FAM20B: variants seen among roughly 807,000 people sequenced by gnomAD.
The protein encoded by FAM20B is glycosaminoglycan xylosylkinase.
Under a neutral mutation model 43.8 loss-of-function variants are expected in FAM20B, and 23 were observed. That is an observed-to-expected ratio of 0.53 (90% confidence interval 0.38 to 0.74). The LOEUF is 0.74. Ranked by LOEUF, FAM20B falls within the 30% of genes least tolerant of loss-of-function variation. The pLI is 0.00. For synonymous variants in FAM20B, 178 were observed against 192.4 expected, an observed-to-expected ratio of 0.93 and a Z score of 0.62; for missense variants, 440 against 510.5, an observed-to-expected ratio of 0.86 and a Z score of 1.33.
At chr1:179,040,775 G>T (rs1362331493) in intron 1 of FAM20B, among the ~76,000 whole-genome samples, 1 of 151,880 alleles carries the variant, frequency 6.6e-6, no homozygotes. Flanking sequence ...CCTCCCTCCC[G>T]GACGGGTTGG....
At chr1:179,024,894 A>G (rs556184951), upstream of FAM20B, among the ~76,000 whole-genome samples, 3 of 152,256 alleles carry the variant, frequency 2.0e-5, no homozygotes, top group Non-Finnish European at 4.4e-5. Context: ...CAGCAAAGTT[A>G]ACTGGCACAT....
upstream of FAM20B, among the ~76,000 whole-genome samples, chr1:179,023,620 GAATA>G (rs1432530375): frequency 2.6e-5 from 4 of 152,204 alleles, no homozygotes; most frequent in Admixed American, 1.3e-4. Context: ...GTGAATGAAT[GAATA>G]AACAAACAAA....
chr1:179,047,104 G>A (rs978548001), intron 2 of FAM20B, among the ~76,000 whole-genome samples: 1 of 152,230 alleles, frequency 6.6e-6, no homozygotes, highest in Non-Finnish European at 1.5e-5. Flanking sequence ...AGAGCGTGCA[G>A]TGTTAGACCA....
chr1:179,065,253 C>T lies in FAM20B; in HGVS notation c.938+757C>T, dbSNP rs201420123. Reference sequence around the variant, plus strand: ...GCAACTTCTGTCTCCTGGGTTCAAGCGATTCTCCACCCTCAGCCTCCTGAG... The same window carrying T: ...GCAACTTCTGTCTCCTGGGTTCAAGTGATTCTCCACCCTCAGCCTCCTGAG... On this transcript the variant is annotated intron_variant, in intron 6 of 7. Transcript: ENST00000263733. 2.1e-3 allele frequency among the ~76,000 whole-genome samples: 323 copies of T among 151,900 alleles called. 3 individuals are homozygous for T. The highest frequency in any genetic ancestry group is 3.3e-3 in the Admixed American group (51 of 15,256).
intron 1 of FAM20B, among the ~76,000 whole-genome samples, chr1:179,040,202 C>A (rs1035677646): frequency 2.2e-4 from 34 of 152,216 alleles, no homozygotes; most frequent in African/African-American, 8.2e-4. Context: ...TTCTACTCCA[C>A]AAAACCGCCA....
chr1:179,050,479 G>T lies in FAM20B; in HGVS notation c.464+114G>T, dbSNP rs185006451. The T allele has an allele frequency of 2.7e-5, 19 of 702,304 alleles. No individual in the cohort carries two copies. In the African/African-American group the frequency reaches 3.2e-4, roughly 12 times the overall value. The allele number at this position is 702,304 out of a possible 1,614,324, so 43.5% of individuals were successfully genotyped here. A position where few individuals can be genotyped will look rare whatever the true frequency, so the allele number is the denominator to read the frequency against. ...CAACACTAATAAATAACTTGTTATC[G>T]ATTTTAGATAGCTAATTGACTAGTT... On this transcript the variant is annotated intron_variant, in intron 3 of 7. Transcript: ENST00000263733.
At chr1:179,069,601 A>C (rs1651831149) in intron 7 of FAM20B, among the ~76,000 whole-genome samples, 2 of 151,994 alleles carry the variant, frequency 1.3e-5, no homozygotes. Context: ...CGAACTCCTG[A>C]CCTCAGGTGA....
intron 4 of FAM20B, among the ~76,000 whole-genome samples, chr1:179,063,002 C>T (rs767121787): frequency 3.3e-5 from 5 of 152,096 alleles, no homozygotes; most frequent in Non-Finnish European, 5.9e-5. Context: ...TCAGGCCGGG[C>T]GCGGTAGCTC....
chr1:179,043,817 G>T lies in FAM20B; in HGVS notation c.-31G>T, dbSNP rs1650643820. 1.9e-6 allele frequency: 3 copies of T among 1,556,164 alleles called. No homozygotes were observed. The East Asian group carries it at 6.8e-5, about 35-fold the overall frequency. Reference sequence around the variant, plus strand: ...AGCTCTCCTTAATACATGAGCAAGAGTGGGTCAGGGGAGAAGGAAAAGAGG... The same window carrying T: ...AGCTCTCCTTAATACATGAGCAAGATTGGGTCAGGGGAGAAGGAAAAGAGG... On this transcript the variant is annotated 5_prime_UTR_variant, in exon 2 of 8. Transcript: ENST00000263733.
At chr1:179,049,157 C>T (rs1650896790) in intron 2 of FAM20B, among the ~76,000 whole-genome samples, 1 of 152,144 alleles carries the variant, frequency 6.6e-6, no homozygotes, top group Admixed American at 6.5e-5. Flanking sequence ...AAGAAATATG[C>T]CAGTCTTCAT....
intron 1 of FAM20B, among the ~76,000 whole-genome samples, chr1:179,030,688 G>A (rs1201138416): frequency 6.6e-6 from 1 of 152,152 alleles, no homozygotes; most frequent in Non-Finnish European, 1.5e-5. Flanking sequence ...CCAGAGAGTT[G>A]CCAGTTTAGA....
At chr1:179,049,353 A>G (rs1650905363) in intron 2 of FAM20B, among the ~76,000 whole-genome samples, 2 of 152,130 alleles carry the variant, frequency 1.3e-5, no homozygotes, top group Admixed American at 6.6e-5. Context: ...CCAACCTCCC[A>G]CTGCCAGTCC....
rs771560531 is a variant in FAM20B, at chr1:179,064,529, G to A, written c.938+33G>A. ...CAGCAGGACTGTCCTTGTCAGGGAG[G>A]GGTTTCTGTATATGAAAGAAGGGCA... On this transcript the variant is annotated intron_variant, in intron 6 of 7. Transcript: ENST00000263733. 4 of 1,558,698 alleles carry A rather than the reference G, an allele frequency of 2.6e-6. No individual in the cohort carries two copies. The East Asian group carries it at 6.8e-5, about 27-fold the overall frequency.
chr1:179,065,306 T>C (rs1013771432), intron 6 of FAM20B, among the ~76,000 whole-genome samples: 1 of 152,054 alleles, frequency 6.6e-6, no homozygotes, highest in African/African-American at 2.4e-5. Context: ...ACTCGCTAAT[T>C]TTGTATTTTT....
At position 179,027,926 on chromosome 1, in the gene FAM20B, A is replaced by G. The variant is rs193119703; in HGVS notation, c.-134+1828A>G. Among the ~76,000 whole-genome samples the G allele has an allele frequency of 1.5e-3, 226 of 152,184 alleles. 1 individual carries two copies. Among genetic ancestry groups the G allele is most frequent in the African/African-American group, 4.9e-3 (204 of 41,532 alleles). On this transcript the variant is annotated intron_variant, in intron 1 of 7. Coordinates refer to ENST00000263733, the MANE Select transcript of FAM20B (RefSeq NM_014864.4). ...ATCTTTTATATCATGGAAGTATTTTATGTTAAATTGATAATTCCTTGACTT... is the reference window on the plus strand; with the variant it reads ...ATCTTTTATATCATGGAAGTATTTTGTGTTAAATTGATAATTCCTTGACTT...
At position 179,034,186 on chromosome 1, in the gene FAM20B, A is replaced by T. The variant is rs189658031; in HGVS notation, c.-134+8088A>T. Reference sequence around the variant, plus strand: ...CCAAGGGTTGGCTGGACCTCTCTCCATATAGATCACTTGGCATTTGGTAGT... The same window carrying T: ...CCAAGGGTTGGCTGGACCTCTCTCCTTATAGATCACTTGGCATTTGGTAGT... On this transcript the variant is annotated intron_variant, in intron 1 of 7. Coordinates refer to ENST00000263733, the MANE Select transcript of FAM20B (RefSeq NM_014864.4). 8.0e-3 allele frequency among the ~76,000 whole-genome samples: 1,214 copies of T among 152,282 alleles called. 7 individuals are homozygous for T. Among genetic ancestry groups the T allele is most frequent in the Non-Finnish European group, 0.011 (729 of 68,032 alleles).
chr1:179,048,392 C>G (rs983123946), intron 2 of FAM20B, among the ~76,000 whole-genome samples: 2 of 152,172 alleles, frequency 1.3e-5, no homozygotes, highest in African/African-American at 4.8e-5. Flanking sequence ...TTTCTCTTCC[C>G]TCCATCTTTT....
chr1:179,050,999 GTAGTCCC>G (rs758553588), intron 3 of FAM20B, among the ~76,000 whole-genome samples: 3 of 151,984 alleles, frequency 2.0e-5, no homozygotes, highest in Non-Finnish European at 4.4e-5. Flanking sequence ...ACAGGCACCT[GTAGTCCC>G]AGCTTCTTGG....
intron 3 of FAM20B, among the ~76,000 whole-genome samples, chr1:179,050,792 T>C (rs1650973638): frequency 6.6e-6 from 1 of 152,202 alleles, no homozygotes; most frequent in African/African-American, 2.4e-5. Context: ...TTATTCTTTA[T>C]ACAAACTATG....
Sources: gnomAD v4.1 joint callset for allele counts (sites outside exome capture counted in the v4.1 genomes callset) on GRCh38, gnomAD v4.1.1 for gene constraint, MANE v1.5 for transcripts, NCBI Gene and HGNC (gene_info 2026-07-23, HGNC 2026-07-21) for gene names.